RGMB: variants seen among roughly 807,000 people sequenced by gnomAD.
RGMB encodes the protein repulsive guidance molecule BMP co-receptor b.
Under a neutral mutation model 26.9 loss-of-function variants are expected in RGMB, and 16 were observed. The observed-to-expected ratio is 0.60, with a 90% CI of 0.40 to 0.90. RGMB has a LOEUF of 0.90. Among genes scored for constraint, RGMB ranks in the 40% least tolerant of loss-of-function variants. The probability of loss-of-function intolerance (pLI) is 0.00; values close to 1 mark genes in which losing one functional copy is unlikely to be tolerated. For synonymous variants in RGMB, 225 were observed against 229.3 expected (o/e 0.98, Z 0.17); for missense variants, 512 against 573.3 (o/e 0.89, Z 1.09).
chr5:98,792,405 T>C (rs1015861993), intron 2 of RGMB, among the ~76,000 whole-genome samples: 1 of 152,200 alleles, frequency 6.6e-6, no homozygotes, highest in Non-Finnish European at 1.5e-5. Context: ...TCATCCACTT[T>C]GGAAGCAGAC....
intron 2 of RGMB, among the ~76,000 whole-genome samples, chr5:98,790,877 A>C (rs916610373): frequency 2.0e-5 from 3 of 152,216 alleles, no homozygotes; most frequent in African/African-American, 7.2e-5. Context: ...TGATTATATA[A>C]AAAGTCTATT....
intron 2 of RGMB, among the ~76,000 whole-genome samples, chr5:98,783,993 G>A (rs1026319243): frequency 6.6e-6 from 1 of 152,012 alleles, no homozygotes; most frequent in Non-Finnish European, 1.5e-5. Context: ...TAAAAAGTAG[G>A]AGTGGAGACT....
At chr5:98,792,788 A>C (rs1032110561) in intron 2 of RGMB, 1 of 202,420 alleles carries the variant, frequency 4.9e-6, no homozygotes, top group East Asian at 1.2e-4. Context: ...AAAAAAAAAA[A>C]AAAACCGATA....
intron 2 of RGMB, among the ~76,000 whole-genome samples, chr5:98,788,919 G>C (rs1239323936): frequency 6.6e-6 from 1 of 152,200 alleles, no homozygotes. Flanking sequence ...GGGGAAGACT[G>C]TAGAGGCTGC....
At chr5:98,773,017 T>A (rs1362111924), upstream of RGMB, 1 of 152,220 alleles carries the variant, frequency 6.6e-6, no homozygotes, top group East Asian at 1.9e-4. Flanking sequence ...CGCGGGTACC[T>A]TCCCAGCCCA....
chr5:98,794,798 C>G lies in RGMB; in HGVS notation c.*1045C>G, dbSNP rs1747062954. ...AGGTTCTTTCTCTAATGTAGAGGCC[C>G]AGATCCCATCACAAAGTTTTTCATT... On this transcript the variant is annotated 3_prime_UTR_variant, in exon 3 of 3. Coordinates refer to ENST00000513185, the MANE Select transcript of RGMB (RefSeq NM_001366508.1). 1 of 152,152 alleles carries G rather than the reference C, an allele frequency of 6.6e-6. No individual in the cohort carries two copies. The highest frequency in any genetic ancestry group is 6.5e-5 in the Admixed American group (1 of 15,282). The allele number at this position is 152,152 out of a possible 1,614,324, so 9.4% of individuals were successfully genotyped here.
Position 98,793,750 on chromosome 5 carries a change from G to T in RGMB, c.1311G>T (p.Leu437Phe). The change falls in exon 3 of 3, where the codon TTG (leucine) becomes TTT (phenylalanine). Residue 437 changes from leucine (L) to phenylalanine (F), a missense_variant. Physicochemically the swap from Leu to Phe is conservative, Grantham distance 22. Transcript: ENST00000513185. ...CCTGCTTGATCCTTATCGTGTTTTTGTAGGGGTTGTCTTTTGTTTTGGTTT... is the reference window on the plus strand; with the variant it reads ...CCTGCTTGATCCTTATCGTGTTTTTTTAGGGGTTGTCTTTTGTTTTGGTTT... ...GLTCLILIVF[L>F] 1.3e-6 allele frequency: 2 copies of T among 1,548,410 alleles called. No individual in the cohort carries two copies. The highest frequency in any genetic ancestry group is 1.7e-6 in the Non-Finnish European group (2 of 1,145,772).
At chr5:98,777,890 C>A (rs1023742055) in intron 1 of RGMB, among the ~76,000 whole-genome samples, 49 of 151,982 alleles carry the variant, frequency 3.2e-4, no homozygotes, top group Admixed American at 7.2e-4. Context: ...ATGTTTTAAT[C>A]TTTGACTCAG....
upstream of RGMB, among the ~76,000 whole-genome samples, chr5:98,772,160 C>T (rs972828484): frequency 6.6e-6 from 1 of 152,154 alleles, no homozygotes; most frequent in Non-Finnish European, 1.5e-5. Context: ...AACTGTGAAG[C>T]TATTATTAAG....
intron 2 of RGMB, among the ~76,000 whole-genome samples, chr5:98,782,826 G>T (rs1478409545): frequency 6.6e-6 from 1 of 152,176 alleles, no homozygotes; most frequent in Non-Finnish European, 1.5e-5. Context: ...CCAACTTTGT[G>T]AGCTCTGCCT....
In RGMB at chr5:98,793,150, T is replaced by C; in HGVS notation, c.711T>C (p.Asp237=). ...TDQKVYQAVT[D]DLPAAFVDGT... is the part of the protein sequence containing the mutation. The stretch of plus-strand genomic sequence containing the variant: ...AGAAAGTCTACCAAGCTGTGACAGA[T>C]GACCTGCCGGCCGCCTTTGTGGATG... The change falls in exon 3 of 3, where the codon GAT becomes GAC. Residue 237 remains aspartate, a synonymous_variant. Coordinates refer to ENST00000513185, the MANE Select transcript of RGMB (RefSeq NM_001366508.1). 6.2e-7 allele frequency: 1 copy of C among 1,614,006 alleles called. No individual in the cohort carries two copies. Among genetic ancestry groups the C allele is most frequent in the Non-Finnish European group, 8.5e-7 (1 of 1,179,876 alleles).
Position 98,780,597 on chromosome 5 carries a change from G to C in RGMB, c.645+509G>C, listed in dbSNP as rs545756960. 4.4e-4 allele frequency: 68 copies of C among 153,286 alleles called. No individual in the cohort carries two copies. In the South Asian group the frequency reaches 9.9e-3, roughly 22 times the overall value. 9.5% of individuals were successfully genotyped at this position (153,286 alleles called of 1,614,324 possible). On this transcript the variant is annotated intron_variant, in intron 2 of 2. Coordinates refer to ENST00000513185, the MANE Select transcript of RGMB (RefSeq NM_001366508.1). ...TCCCAGTGGTAAACCCACAGTGGTG[G>C]TTTAGTTACTAACCTCTTGATGACC...
At chr5:98,784,870 AAG>A (rs1246559856) in intron 2 of RGMB, among the ~76,000 whole-genome samples, 1 of 152,168 alleles carries the variant, frequency 6.6e-6, no homozygotes, top group Non-Finnish European at 1.5e-5. Context: ...CAGTGTTATA[AAG>A]AGGGGGACGC....
chr5:98,772,363 G>A (rs1009996397), upstream of RGMB, among the ~76,000 whole-genome samples: 1 of 152,192 alleles, frequency 6.6e-6, no homozygotes, highest in African/African-American at 2.4e-5. Flanking sequence ...GAGACTGAAG[G>A]TTTGCCCCTC....
At chr5:98,773,567 A>T, upstream of RGMB, 1 of 201,404 alleles carries the variant, frequency 5.0e-6, no homozygotes, top group Non-Finnish European at 9.9e-6. Flanking sequence ...GAAGGGAGGG[A>T]CACGGCGGGG....
At position 98,794,530 on chromosome 5, in the gene RGMB, CTT is replaced by C. The variant is rs1014964791; in HGVS notation, c.*781_*782del. The C allele has an allele frequency of 3.3e-5, 5 of 152,206 alleles. No homozygotes were observed. Among genetic ancestry groups the C allele is most frequent in the African/African-American group, 1.2e-4 (5 of 41,446 alleles). The allele number at this position is 152,206 out of a possible 1,614,324, so 9.4% of individuals were successfully genotyped here. A position where few individuals can be genotyped will look rare whatever the true frequency, so the allele number is the denominator to read the frequency against. ...ACCAGGCATCTCAGTAACTCCTAGA[CTT>C]TTTCTCATCCCATGCCCCGTTTTAA... On this transcript the variant is annotated 3_prime_UTR_variant, in exon 3 of 3. Coordinates refer to ENST00000513185, the MANE Select transcript of RGMB (RefSeq NM_001366508.1).
At position 98,795,445 on chromosome 5, in the gene RGMB, C is replaced by T. The variant is rs1747087807; in HGVS notation, c.*1692C>T. On this transcript the variant is annotated 3_prime_UTR_variant, in exon 3 of 3. Transcript: ENST00000513185. ...GACGTCATTTTGTAAAGTTTAACTTCTTAGCGAACTGATGTGCCACCCAGT... is the reference window on the plus strand; with the variant it reads ...GACGTCATTTTGTAAAGTTTAACTTTTTAGCGAACTGATGTGCCACCCAGT... 1 of 152,194 alleles carries T rather than the reference C, an allele frequency of 6.6e-6. No homozygotes were observed. Among genetic ancestry groups the T allele is most frequent in the East Asian group, 1.9e-4 (1 of 5,202 alleles). The allele number at this position is 152,194 out of a possible 1,614,324, so 9.4% of individuals were successfully genotyped here. A position where few individuals can be genotyped will look rare whatever the true frequency, so the allele number is the denominator to read the frequency against.
At position 98,795,631 on chromosome 5, in the gene RGMB, T is replaced by G. The variant is rs1747095988; in HGVS notation, c.*1878T>G. 6.6e-6 allele frequency: 1 copy of G among 152,212 alleles called. No individual in the cohort carries two copies. The allele number at this position is 152,212 out of a possible 1,614,324, so 9.4% of individuals were successfully genotyped here. ...GAAACCTAAACCCGCCTTCCTTTTA[T>G]AGAAGCTGGACTAGAGACGGACTGA... is the stretch of plus-strand genomic sequence containing the variant. On this transcript the variant is annotated 3_prime_UTR_variant, in exon 3 of 3. Coordinates refer to ENST00000513185, the MANE Select transcript of RGMB (RefSeq NM_001366508.1).
At chr5:98,774,284 G>A (rs372032640) in intron 1 of RGMB, 78 bp downstream of exon 1, 13 of 1,295,990 alleles carry the variant, frequency 1.0e-5, no homozygotes, top group South Asian at 5.9e-5. Context: ...TCTCGAAGGC[G>A]CTCGCCGGGG....
Sources: gnomAD v4.1 joint callset for allele counts (sites outside exome capture counted in the v4.1 genomes callset) on GRCh38, gnomAD v4.1.1 for gene constraint, MANE v1.5 for transcripts, NCBI Gene and HGNC (gene_info 2026-07-23, HGNC 2026-07-21) for gene names.